The following SULF2 variants were observed in gnomAD, a reference collection of about 807,000 sequenced individuals.
SULF2 encodes sulfatase 2, also known as extracellular sulfatase Sulf-2.
SULF2 carries 52 observed loss-of-function variants against 107.7 expected under a neutral mutation model. That is an observed-to-expected ratio of 0.48 (90% CI 0.39 to 0.61). The LOEUF is 0.61. Among genes scored for constraint, SULF2 ranks in the 20% least tolerant of loss-of-function variants. The pLI, the probability that SULF2 is intolerant of heterozygous loss-of-function variation, is 0.00. For missense variants in SULF2, 993 were observed against 1,177.3 expected, an observed-to-expected ratio of 0.84 and a Z score of 2.29; for synonymous variants, 460 against 464.3, an observed-to-expected ratio of 0.99 and a Z score of 0.12.
At chr20:47,714,215 C>T (rs1029509902) in intron 3 of SULF2, among the ~76,000 whole-genome samples, 12 of 152,200 alleles carry the variant, frequency 7.9e-5, no homozygotes, top group African/African-American at 1.4e-4. Flanking sequence ...CAGTTGTCCG[C>T]GTGCCTCTCA....
intron 9 of SULF2, 79 bp downstream of exon 9, chr20:47,676,999 A>C: frequency 6.7e-7 from 1 of 1,488,938 alleles, no homozygotes; most frequent in Non-Finnish European, 9.3e-7. Flanking sequence ...GAATAGCATG[A>C]TGCGGTGGGG....
intron 1 of SULF2, among the ~76,000 whole-genome samples, chr20:47,763,057 TA>T (rs1467328880): frequency 1.3e-5 from 2 of 151,860 alleles, no homozygotes; most frequent in Non-Finnish European, 2.9e-5. Context: ...TTTTTCTTGG[TA>T]AAATATTCAA....
chr20:47,702,034 A>G (rs2088586915), intron 4 of SULF2, among the ~76,000 whole-genome samples: 1 of 152,100 alleles, frequency 6.6e-6, no homozygotes, highest in African/African-American at 2.4e-5. Context: ...GGAAACAGAC[A>G]CTATTTTTTG....
At chr20:47,683,232 G>A (rs1250518812) in intron 6 of SULF2, 63 bp from the exon 7 acceptor site, 27 of 1,483,310 alleles carry the variant, frequency 1.8e-5, no homozygotes, top group African/African-American at 7.0e-5. Context: ...TCTCCGACCC[G>A]GGGTGACAGG....
chr20:47,726,681 G>A (rs2089451956), intron 3 of SULF2, among the ~76,000 whole-genome samples: 1 of 152,348 alleles, frequency 6.6e-6, no homozygotes, highest in South Asian at 2.1e-4. Context: ...CCTGTGGCTA[G>A]TGGCAACGGT....
At chr20:47,755,839 C>T (rs1250123284) in intron 2 of SULF2, among the ~76,000 whole-genome samples, 1 of 152,094 alleles carries the variant, frequency 6.6e-6, no homozygotes, top group Non-Finnish European at 1.5e-5. Context: ...CCTGGTGCAA[C>T]CCGGGCCAAG....
intron 2 of SULF2, among the ~76,000 whole-genome samples, chr20:47,747,095 T>C (rs955905017): frequency 1.3e-5 from 2 of 148,570 alleles, no homozygotes; most frequent in African/African-American, 5.0e-5. Flanking sequence ...TGGTGGCAAC[T>C]CTTGCTGTGC....
chr20:47,680,258 T>C lies in SULF2; in HGVS notation c.1065-1454A>G, dbSNP rs2087780325. ...TAGCTGGGATTACAGGCATGCGCCA[T>C]CACACCCATAATTTTTGTACTTTTA... On this transcript the variant is annotated intron_variant, in intron 7 of 20. Coordinates refer to ENST00000688720, the MANE Select transcript of SULF2 (RefSeq NM_001387048.1). This position sits in a 1 kb window ranked among gnomAD's most constrained non-coding sequence, Gnocchi z 4.2. 6.6e-6 allele frequency among the ~76,000 whole-genome samples: 1 copy of C among 152,110 alleles called. No homozygotes were observed. The highest frequency in any genetic ancestry group is 2.4e-5 in the African/African-American group (1 of 41,428).
chr20:47,779,179 T>A (rs1016380735), intron 1 of SULF2, among the ~76,000 whole-genome samples: 3 of 152,208 alleles, frequency 2.0e-5, no homozygotes, highest in Admixed American at 2.0e-4. Context: ...CTGAATCATT[T>A]TTCACTGTGG....
chr20:47,745,464 C>T (rs74177378), intron 2 of SULF2, among the ~76,000 whole-genome samples: 923 of 58,968 alleles, frequency 0.016, 86 homozygotes, highest in African/African-American at 0.057. Context: ...TATACACATA[C>T]ACACACACTT....
intron 10 of SULF2, among the ~76,000 whole-genome samples, chr20:47,673,074 T>C (rs1434708352): frequency 3.3e-5 from 5 of 152,330 alleles, no homozygotes; most frequent in Admixed American, 1.3e-4. Flanking sequence ...TGAATGTAGA[T>C]AGAATCACTG....
chr20:47,707,187 C>T (rs899255835), intron 3 of SULF2, among the ~76,000 whole-genome samples: 2 of 152,042 alleles, frequency 1.3e-5, no homozygotes, highest in East Asian at 3.9e-4. Flanking sequence ...TAGGGTTTCA[C>T]CATGTTGGCC....
At chr20:47,739,626 C>T (rs1393125501) in intron 2 of SULF2, among the ~76,000 whole-genome samples, 5 of 152,194 alleles carry the variant, frequency 3.3e-5, no homozygotes, top group Admixed American at 2.6e-4. Flanking sequence ...TTCCCCGCTC[C>T]GTGTCTCTCC....
At chr20:47,718,595 C>T (rs912812369) in intron 3 of SULF2, among the ~76,000 whole-genome samples, 6 of 152,022 alleles carry the variant, frequency 3.9e-5, no homozygotes, top group Admixed American at 3.3e-4. Flanking sequence ...TCGTGGCAGG[C>T]GAAGGGCTTG....
At chr20:47,778,267 G>A (rs62202168) in intron 1 of SULF2, among the ~76,000 whole-genome samples, 5,806 of 152,342 alleles carry the variant, frequency 0.038, 177 homozygotes, top group Non-Finnish European at 0.061. Flanking sequence ...GCTTCCACAT[G>A]GCCAAACACA....
At chr20:47,725,711 C>A (rs976158174) in intron 3 of SULF2, among the ~76,000 whole-genome samples, 19 of 152,198 alleles carry the variant, frequency 1.2e-4, no homozygotes, top group Admixed American at 6.5e-4. Context: ...GAAATCTGGG[C>A]ACCCCCTCCC....
intron 7 of SULF2, among the ~76,000 whole-genome samples, chr20:47,681,227 G>C (rs1469344831): frequency 6.6e-6 from 1 of 152,204 alleles, no homozygotes; most frequent in Non-Finnish European, 1.5e-5. Flanking sequence ...GGCTGGAGCT[G>C]TGCATGGACT....
rs149175591 is a variant in SULF2, at chr20:47,746,673, A to G, written c.176-9731T>C. On this transcript the variant is annotated intron_variant, in intron 2 of 20. Coordinates refer to ENST00000688720, the MANE Select transcript of SULF2 (RefSeq NM_001387048.1). ...ACTTGGGCAAAAGAAGGATGAGTTCATGTCCTTTGTAGGGACATGGATGAA... is the reference window on the plus strand; with the variant it reads ...ACTTGGGCAAAAGAAGGATGAGTTCGTGTCCTTTGTAGGGACATGGATGAA... 3.5e-3 allele frequency among the ~76,000 whole-genome samples: 530 copies of G among 152,306 alleles called. 3 individuals carry two copies. The highest frequency in any genetic ancestry group is 0.014 in the Middle Eastern group (4 of 294).
rs142024265 is a variant in SULF2 at position 47,736,975 on chromosome 20, C to T, written c.176-33G>A. 345 of 1,611,652 alleles carry T rather than the reference C, an allele frequency of 2.1e-4. 3 individuals carry two copies. In the East Asian group the frequency reaches 7.5e-3, roughly 35 times the overall value. On this transcript the variant is annotated intron_variant, in intron 2 of 20. Coordinates refer to ENST00000688720, the MANE Select transcript of SULF2 (RefSeq NM_001387048.1). ...TCAAGGGTGGAAGTAAGGCGCAGGG[C>T]AGGAGACCCGGGCGGCACCGGCACC...
Sources: allele counts gnomAD v4.1 joint callset (sites outside exome capture counted in the v4.1 genomes callset), GRCh38; gene constraint gnomAD v4.1.1; non-coding constraint Gnocchi (gnomAD v3.1); transcripts MANE v1.5; gene names NCBI Gene and HGNC (gene_info 2026-07-23, HGNC 2026-07-21).